TRRAP: variants seen among roughly 807,000 people sequenced by gnomAD.
TRRAP encodes transformation/transcription domain-associated protein.
In TRRAP, 41 loss-of-function variants were observed where a neutral mutation model predicts 438.8. That is an observed-to-expected ratio of 0.09 (90% CI 0.07 to 0.12). TRRAP has a LOEUF of 0.12. TRRAP is among the 10% of genes least tolerant of loss of function. The pLI is 1.00. For synonymous variants in TRRAP, 1,994 were observed against 1,962.9 expected (o/e 1.02, Z -0.42); for missense variants, 3,122 against 5,055.1 (o/e 0.62, Z 11.60).
intron 67 of TRRAP, among the ~76,000 whole-genome samples, chr7:98,995,830 T>A (rs1793627900): frequency 1.3e-5 from 2 of 149,818 alleles, no homozygotes; most frequent in Non-Finnish European, 3.0e-5. Flanking sequence ...CTACTTACTC[T>A]TGTCCCATCA....
Position 98,910,155 on chromosome 7 carries a change from C to T in TRRAP, c.1450C>T (p.Leu484=). The change falls in exon 15 of 73, where the codon CTG becomes TTG. Residue 484 remains leucine, a synonymous_variant. Transcript: ENST00000456197. ...QSELGAVEAA[L]PGVPTAPAAP... is the part of the protein sequence containing the mutation. ...AGAACTTGGAGCCGTGGAAGCAGCT[C>T]TGCCTGGGGTGCCCACTGCCCCTGC... 1 of 1,612,644 alleles carries T rather than the reference C, an allele frequency of 6.2e-7. No individual in the cohort carries two copies. The highest frequency in any genetic ancestry group is 8.5e-7 in the Non-Finnish European group (1 of 1,179,486).
In TRRAP at chr7:98,994,844, G is replaced by A. The variant is rs1365164524; in HGVS notation, c.10305G>A (p.Thr3435=). The A allele has an allele frequency of 2.5e-6, 4 of 1,608,716 alleles. No homozygotes were observed. Among genetic ancestry groups the A allele is most frequent in the South Asian group, 1.1e-5 (1 of 91,020 alleles). The part of the protein sequence containing the change: ...PVFQKLKGQF[T]TDFDFSVPGS... ...TTCAGAAGCTGAAAGGCCAGTTCAC[G>A]ACGGGTGAGTCTCCATTTTCCTTCC... Residue 3435 remains threonine, a synonymous_variant, in exon 67 of 73, where the codon ACG becomes ACA. Coordinates refer to ENST00000456197, the MANE Select transcript of TRRAP (RefSeq NM_001375524.1). This position sits in a 1 kb window ranked among gnomAD's most constrained non-coding sequence, Gnocchi z 4.8.
chr7:98,931,471 C>T lies in TRRAP; in HGVS notation c.3658C>T (p.Pro1220Ser), dbSNP rs1790321422. The change falls in exon 26 of 73, where the codon CCT (proline) becomes TCT (serine). Residue 1220 changes from proline to serine, a missense_variant. Physicochemically the swap from Pro to Ser is moderately conservative, Grantham distance 74. Transcript: ENST00000456197. Reference sequence around the variant, plus strand: ...GCAGCTTCTGATGCGGTGCGCAACGCCTTTAAAAGACGAGGAGAGAGCCGA... The same window carrying T: ...GCAGCTTCTGATGCGGTGCGCAACGTCTTTAAAAGACGAGGAGAGAGCCGA... ...LEQLLMRCAT[P>S]LKDEERAEEI... The T allele has an allele frequency of 1.2e-6, 2 of 1,614,118 alleles. No homozygotes were observed. The highest frequency in any genetic ancestry group is 2.7e-5 in the African/African-American group (2 of 75,046).
At chr7:98,963,388 G>T (rs1235125325) in intron 47 of TRRAP, among the ~76,000 whole-genome samples, 1 of 152,070 alleles carries the variant, frequency 6.6e-6, no homozygotes, top group African/African-American at 2.4e-5. Context: ...TCCATCACAG[G>T]GCAGCACAAG....
At chr7:98,892,144 C>G (rs1011341483) in intron 4 of TRRAP, among the ~76,000 whole-genome samples, 1 of 152,146 alleles carries the variant, frequency 6.6e-6, no homozygotes, top group Non-Finnish European at 1.5e-5. Flanking sequence ...CACCAGTGTC[C>G]GTTGGACTTA....
At position 98,937,277 on chromosome 7, in the gene TRRAP, GGTGA is replaced by G. The variant is rs781949612; in HGVS notation, c.4233+4_4233+7del. The G allele has an allele frequency of 3.7e-5, 60 of 1,606,198 alleles. No homozygotes were observed. The highest frequency in any genetic ancestry group is 4.9e-5 in the Non-Finnish European group (58 of 1,174,320). ...AGGCCGGAGAAGCCTGTATGAGAAA[GGTGA>G]GTGTGTGTGCGTGCGTGTATGCGCA... On this transcript the variant is annotated splice_donor_variant and splice_donor_region_variant and intron_variant, in intron 29 of 72. Coordinates refer to ENST00000456197, the MANE Select transcript of TRRAP (RefSeq NM_001375524.1). LOFTEE classifies it high-confidence loss of function.
intron 30 of TRRAP, among the ~76,000 whole-genome samples, chr7:98,942,296 A>G (rs1388438745): frequency 6.6e-6 from 1 of 152,154 alleles, no homozygotes; most frequent in African/African-American, 2.4e-5. Flanking sequence ...CTATCTCACC[A>G]GCCCCTTCCC....
rs1584361650 is a variant in TRRAP, at chr7:98,959,236, A to G, written c.6343-108A>G. ...GAAGAGAGGTGGCTGTGAGGTGAAG[A>G]TCTGAGACAGGTGTAAGGGCCAGGG... is the stretch of plus-strand genomic sequence containing the variant. On this transcript the variant is annotated intron_variant, in intron 44 of 72. Coordinates refer to ENST00000456197, the MANE Select transcript of TRRAP (RefSeq NM_001375524.1). 5 of 1,458,228 alleles carry G rather than the reference A, an allele frequency of 3.4e-6. No homozygotes were observed. In the East Asian group the frequency reaches 9.3e-5, roughly 27 times the overall value. The allele number at this position is 1,458,228 out of a possible 1,614,324, so 90.3% of individuals were successfully genotyped here. A position where few individuals can be genotyped will look rare whatever the true frequency, so the allele number is the denominator to read the frequency against.
chr7:98,967,668 G>A lies in TRRAP; in HGVS notation c.7482G>A (p.Gly2494=). 1 of 1,613,970 alleles carries A rather than the reference G, an allele frequency of 6.2e-7. No individual in the cohort carries two copies. The highest frequency in any genetic ancestry group is 8.5e-7 in the Non-Finnish European group (1 of 1,180,032). ...VTCSQNWEAM[G]NHFWIKQCIE... ...GTTCGCAGAACTGGGAAGCCATGGGGAACCACTTCTGGATCAAGCAGTGCA... is the reference window on the plus strand; with the variant it reads ...GTTCGCAGAACTGGGAAGCCATGGGAAACCACTTCTGGATCAAGCAGTGCA... The change falls in exon 51 of 73, where the codon GGG becomes GGA. Residue 2494 remains glycine, a synonymous_variant. Coordinates refer to ENST00000456197, the MANE Select transcript of TRRAP (RefSeq NM_001375524.1).
chr7:98,972,035 T>G, intron 53 of TRRAP, 90 bp downstream of exon 53: 4 of 1,468,194 alleles, frequency 2.7e-6, no homozygotes, highest in Non-Finnish European at 3.6e-6. Flanking sequence ...AGTGTAACTT[T>G]TTCTGTTTCT....
intron 39 of TRRAP, 50 bp from the exon 40 acceptor site, chr7:98,953,117 G>T: frequency 6.3e-7 from 1 of 1,581,856 alleles, no homozygotes. Flanking sequence ...CCCTCAGTCA[G>T]TAACCCAGTT....
At position 99,012,692 on chromosome 7, in the gene TRRAP, G is replaced by A. The variant is rs1794479908; in HGVS notation, c.*337G>A. ...GTCCTCCCTCTGTGAATGTACAGGC[G>A]GAACTGTACGAACAGCTCCCTTCCA... On this transcript the variant is annotated 3_prime_UTR_variant, in exon 73 of 73. Coordinates refer to ENST00000456197, the MANE Select transcript of TRRAP (RefSeq NM_001375524.1). The surrounding 1 kb of genome is among the most constrained non-coding windows in gnomAD (Gnocchi z 5.9). 7 of 331,192 alleles carry A rather than the reference G, an allele frequency of 2.1e-5. No homozygotes were observed. Among genetic ancestry groups the A allele is most frequent in the South Asian group, 1.7e-4 (4 of 22,964 alleles). The allele number at this position is 331,192 out of a possible 1,614,324, so 20.5% of individuals were successfully genotyped here.
chr7:98,926,051 C>T (rs1790034188), intron 22 of TRRAP, among the ~76,000 whole-genome samples: 1 of 152,034 alleles, frequency 6.6e-6, no homozygotes, highest in Non-Finnish European at 1.5e-5. Context: ...AAACAGAAAC[C>T]TATAAAAATT....
intron 70 of TRRAP, among the ~76,000 whole-genome samples, chr7:99,009,837 C>G (rs28638430): frequency 6.3e-4 from 95 of 151,818 alleles, no homozygotes; most frequent in African/African-American, 2.2e-3. Flanking sequence ...GCCGCTTCCT[C>G]CTCTTGTTTA....
chr7:98,959,689 A>T (rs538127718), intron 45 of TRRAP, among the ~76,000 whole-genome samples, 199 bp downstream of exon 45: 13 of 152,222 alleles, frequency 8.5e-5, no homozygotes, highest in Non-Finnish European at 1.3e-4. Context: ...TGACTAATTG[A>T]TAATGGCTTT....
chr7:98,955,724 T>C (rs981888987), intron 41 of TRRAP, among the ~76,000 whole-genome samples: 2 of 152,168 alleles, frequency 1.3e-5, no homozygotes, highest in Non-Finnish European at 2.9e-5. Context: ...TTCTTGTAGA[T>C]TTGGGGTAGA....
intron 47 of TRRAP, 105 bp downstream of exon 47, chr7:98,962,532 G>A: frequency 6.3e-7 from 1 of 1,579,110 alleles, no homozygotes; most frequent in Non-Finnish European, 8.6e-7. Context: ...GTTGGGCAGA[G>A]CTTTGAGCCG....
At position 98,895,750 on chromosome 7, in the gene TRRAP, T is replaced by C. The variant is rs191997836; in HGVS notation, c.451-14T>C. On this transcript the variant is annotated splice_polypyrimidine_tract_variant and intron_variant, in intron 6 of 72. Coordinates refer to ENST00000456197, the MANE Select transcript of TRRAP (RefSeq NM_001375524.1). ...TGAATATCTTCCTATAACGAAAGTG[T>C]CTGCTTTTTTTAGATTCATCATTTT... 1.3e-5 allele frequency: 21 copies of C among 1,595,550 alleles called. No individual in the cohort carries two copies. The East Asian group carries it at 4.7e-4, about 36-fold the overall frequency.
Position 98,981,754 on chromosome 7 carries a change from T to G in TRRAP, c.8635-15T>G, listed in dbSNP as rs1792931793. 1 of 1,593,970 alleles carries G rather than the reference T, an allele frequency of 6.3e-7. No individual in the cohort carries two copies. Among genetic ancestry groups the G allele is most frequent in the African/African-American group, 1.4e-5 (1 of 74,070 alleles). ...AAGGCCCCTCACGTCCTGTGTCACG[T>G]TCTTTCACTGCCAGGTGGAAGTGAG... On this transcript the variant is annotated splice_polypyrimidine_tract_variant and intron_variant, in intron 58 of 72. Coordinates refer to ENST00000456197, the MANE Select transcript of TRRAP (RefSeq NM_001375524.1).
Sources: gnomAD v4.1 joint callset for allele counts (sites outside exome capture counted in the v4.1 genomes callset) on GRCh38, gnomAD v4.1.1 for gene constraint, Gnocchi (gnomAD v3.1) non-coding constraint, MANE v1.5 for transcripts, NCBI Gene and HGNC (gene_info 2026-07-23, HGNC 2026-07-21) for gene names.